The following MIR2052HG variants were observed in gnomAD, a reference collection of about 807,000 sequenced individuals.
MIR2052HG encodes MIR2052 host gene.
At chr8:74,748,794 G>T (rs773094569) in intron 4 of MIR2052HG, among the ~76,000 whole-genome samples, 11 of 152,132 alleles carry the variant, frequency 7.2e-5, no homozygotes, top group Non-Finnish European at 1.0e-4. Flanking sequence ...TGGAGATTCT[G>T]CAATGAGATA....
At chr8:74,696,022 G>A (rs568293717) in intron 2 of MIR2052HG, among the ~76,000 whole-genome samples, 7 of 152,166 alleles carry the variant, frequency 4.6e-5, no homozygotes, top group Non-Finnish European at 7.4e-5. Flanking sequence ...AGAACATACA[G>A]TCTTTTCATC....
At chr8:74,720,667 A>T (rs760769141) in intron 4 of MIR2052HG, among the ~76,000 whole-genome samples, 1 of 152,154 alleles carries the variant, frequency 6.6e-6, no homozygotes, top group Non-Finnish European at 1.5e-5. Context: ...CCTTGCCTTG[A>T]ATAGTGGTAT....
At chr8:74,711,109 T>C (rs1402231022) in intron 4 of MIR2052HG, among the ~76,000 whole-genome samples, 1 of 152,196 alleles carries the variant, frequency 6.6e-6, no homozygotes, top group East Asian at 1.9e-4. Context: ...CATTGTTCAT[T>C]ATCCAAGTCC....
intron 4 of MIR2052HG, among the ~76,000 whole-genome samples, chr8:74,715,174 G>A (rs1487569696): frequency 6.6e-6 from 1 of 152,170 alleles, no homozygotes; most frequent in Non-Finnish European, 1.5e-5. Flanking sequence ...TGGATGAACT[G>A]TGTGTGTATG....
chr8:74,629,162 C>A (rs1200458187), intron 2 of MIR2052HG, among the ~76,000 whole-genome samples: 3 of 152,070 alleles, frequency 2.0e-5, no homozygotes, highest in Non-Finnish European at 4.4e-5. Flanking sequence ...ACGTTTTTAA[C>A]AAGTTTAAGT....
intron 2 of MIR2052HG, among the ~76,000 whole-genome samples, chr8:74,683,887 C>T (rs1010931212): frequency 5.3e-5 from 8 of 152,038 alleles, no homozygotes; most frequent in Non-Finnish European, 1.2e-4. Flanking sequence ...GCTATGACCA[C>T]GGAACTTCAG....
intron 4 of MIR2052HG, among the ~76,000 whole-genome samples, chr8:74,733,963 CA>C (rs1456146353): frequency 6.6e-6 from 1 of 152,192 alleles, no homozygotes; most frequent in Non-Finnish European, 1.5e-5. Flanking sequence ...GCAATGGCAA[CA>C]AAAGCCAAAA....
intron 2 of MIR2052HG, among the ~76,000 whole-genome samples, chr8:74,672,867 A>G (rs1193378987): frequency 2.6e-5 from 4 of 152,078 alleles, no homozygotes; most frequent in Admixed American, 2.6e-4. Flanking sequence ...GCATTAACAA[A>G]GGATTTCCTT....
intron 2 of MIR2052HG, among the ~76,000 whole-genome samples, chr8:74,694,272 G>T (rs1205171416): frequency 6.6e-6 from 1 of 152,194 alleles, no homozygotes; most frequent in Non-Finnish European, 1.5e-5. Flanking sequence ...AATCACTGCA[G>T]TTTGGCTCTC....
At chr8:74,699,696 C>A (rs754280337) in intron 2 of MIR2052HG, among the ~76,000 whole-genome samples, 1 of 151,892 alleles carries the variant, frequency 6.6e-6, no homozygotes, top group Admixed American at 6.6e-5. Context: ...GCACACTGTT[C>A]GGGTCACGGG....
In MIR2052HG at chr8:74,700,304, A is replaced by G. The variant is rs368508439; in HGVS notation, n.217-2075A>G. On this transcript the variant is annotated intron_variant and non_coding_transcript_variant, in intron 2 of 6. Coordinates refer to ENST00000523442, the Ensembl canonical transcript of MIR2052HG. ...ATGCTGCTACAGACATATAAGGTAT[A>G]CATAACTAAATATAAATTTGGAGTA... is the stretch of plus-strand genomic sequence containing the variant. Among the ~76,000 whole-genome samples, 8 of 152,314 alleles carry G rather than the reference A, an allele frequency of 5.3e-5. No homozygotes were observed. In the East Asian group the frequency reaches 7.7e-4, roughly 15 times the overall value.
intron 2 of MIR2052HG, among the ~76,000 whole-genome samples, chr8:74,643,728 CCCT>C (rs1808663716): frequency 6.6e-6 from 1 of 152,028 alleles, no homozygotes; most frequent in Non-Finnish European, 1.5e-5. Context: ...AGCAAAGTTT[CCCT>C]TGTACGGACA....
intron 4 of MIR2052HG, among the ~76,000 whole-genome samples, chr8:74,749,797 C>T (rs569472919): frequency 1.4e-5 from 2 of 140,060 alleles, no homozygotes; most frequent in East Asian, 2.1e-4. Flanking sequence ...TGCAGTGAGC[C>T]GAGATCGTGC....
intron 2 of MIR2052HG, among the ~76,000 whole-genome samples, chr8:74,669,699 C>T (rs562946777): frequency 6.6e-6 from 1 of 152,250 alleles, no homozygotes; most frequent in South Asian, 2.1e-4. Context: ...AGGGCATCTG[C>T]AATTCCTGCT....
intron 2 of MIR2052HG, among the ~76,000 whole-genome samples, chr8:74,664,377 G>A (rs73339216): frequency 0.013 from 1,910 of 152,208 alleles, 40 homozygotes; most frequent in African/African-American, 0.041. Flanking sequence ...AGCATGGAAA[G>A]GCTCTGATTC....
chr8:74,734,195 A>G (rs987099417), intron 4 of MIR2052HG, among the ~76,000 whole-genome samples: 2 of 114,652 alleles, frequency 1.7e-5, no homozygotes, highest in African/African-American at 7.6e-5. Context: ...GCTTGGGGTT[A>G]GATTTTATGT....
chr8:74,726,780 A>C (rs1199801197), intron 4 of MIR2052HG, among the ~76,000 whole-genome samples: 1 of 152,218 alleles, frequency 6.6e-6, no homozygotes, highest in African/African-American at 2.4e-5. Flanking sequence ...GATTTCATGC[A>C]AAATACACTT....
chr8:74,603,035 ACAC>A (rs1808046127), intron 1 of MIR2052HG, among the ~76,000 whole-genome samples: 1 of 101,542 alleles, frequency 9.8e-6, no homozygotes. Context: ...ACAAAACAAA[ACAC>A]CAAAAAAAAA....
intron 4 of MIR2052HG, among the ~76,000 whole-genome samples, chr8:74,728,509 C>T (rs969842927): frequency 3.9e-5 from 6 of 152,230 alleles, no homozygotes; most frequent in Middle Eastern, 3.4e-3. Context: ...CAATGGTGCA[C>T]GATCTTCCTT....
Sources: allele counts gnomAD v4.1 joint callset (sites outside exome capture counted in the v4.1 genomes callset), GRCh38; gene constraint gnomAD v4.1.1; transcripts MANE v1.5; gene names NCBI Gene and HGNC (gene_info 2026-07-23, HGNC 2026-07-21).